Variants in SYNE1 observed in about 807,000 individuals in gnomAD.
SYNE1 encodes spectrin repeat containing nuclear envelope protein 1.
In SYNE1, 616 loss-of-function variants were observed where a neutral mutation model predicts 1,111.0. The ratio of observed to expected loss-of-function variants is 0.55; its 90% CI spans 0.52 to 0.59. SYNE1 has a LOEUF of 0.59. Among genes scored for constraint, SYNE1 ranks in the 20% least tolerant of loss-of-function variants. The pLI is 0.00. For synonymous variants in SYNE1, 3,855 were observed against 3,825.8 expected, an observed-to-expected ratio of 1.01 and a Z score of -0.28; for missense variants, 10,006 against 10,417.0, an observed-to-expected ratio of 0.96 and a Z score of 1.72.
At chr6:152,207,015 A>G (rs2076639351) in intron 125 of SYNE1, among the ~76,000 whole-genome samples, 1 of 152,198 alleles carries the variant, frequency 6.6e-6, no homozygotes, top group South Asian at 2.1e-4. Flanking sequence ...GAGTAAAAGT[A>G]GAATGGAAGA....
chr6:152,342,735 G>T (rs2096557423), intron 74 of SYNE1, among the ~76,000 whole-genome samples: 1 of 152,128 alleles, frequency 6.6e-6, no homozygotes, highest in Non-Finnish European at 1.5e-5. Context: ...TACAAAAGCT[G>T]CTTAGTACAA....
chr6:152,534,202 G>GAATAAATA (rs140881032), intron 4 of SYNE1, among the ~76,000 whole-genome samples: 4 of 145,330 alleles, frequency 2.8e-5, no homozygotes, highest in African/African-American at 1.1e-4. Context: ...ATGAATGAAT[G>GAATAAATA]AATAAATAAA....
chr6:152,424,530 C>G (rs1468193080), intron 39 of SYNE1, among the ~76,000 whole-genome samples: 2 of 152,078 alleles, frequency 1.3e-5, no homozygotes, highest in Non-Finnish European at 1.5e-5. Context: ...TCGTGTTCAC[C>G]CCTCATTATT....
At chr6:152,376,639 C>G (rs935382865) in intron 57 of SYNE1, 81 bp from the exon 58 acceptor site, 7 of 1,578,512 alleles carry the variant, frequency 4.4e-6, no homozygotes, top group Non-Finnish European at 6.1e-6. Flanking sequence ...ATCACCAGTT[C>G]TTAGAATGTG....
intron 55 of SYNE1, 25 bp downstream of exon 55, chr6:152,385,649 A>C (rs554828015): frequency 1.2e-6 from 2 of 1,612,974 alleles, no homozygotes; most frequent in East Asian, 4.5e-5. Flanking sequence ...AGCAATGTAG[A>C]TATAGCATCT....
chr6:152,545,098 T>C (rs996072999), intron 3 of SYNE1, among the ~76,000 whole-genome samples: 2 of 152,190 alleles, frequency 1.3e-5, no homozygotes, highest in Non-Finnish European at 2.9e-5. Flanking sequence ...ATGAAATTAG[T>C]ATATTTTAAT....
At chr6:152,153,749 G>A (rs899555248) in intron 133 of SYNE1, among the ~76,000 whole-genome samples, 6 of 152,158 alleles carry the variant, frequency 3.9e-5, no homozygotes, top group African/African-American at 1.4e-4. Flanking sequence ...GAATAAAAGT[G>A]TTGTTTATTT....
chr6:152,582,043 G>A (rs1048671689), intron 3 of SYNE1, among the ~76,000 whole-genome samples: 2 of 152,018 alleles, frequency 1.3e-5, no homozygotes, highest in Non-Finnish European at 2.9e-5. Flanking sequence ...TCCTAGTCAT[G>A]TCACCAATAA....
At chr6:152,252,140 T>C (rs10046449) in intron 104 of SYNE1, among the ~76,000 whole-genome samples, 9,860 of 152,050 alleles carry the variant, frequency 0.065, 378 homozygotes, top group East Asian at 0.13. Flanking sequence ...GGGCATGGCG[T>C]GCATGCCTGT....
At chr6:152,477,345 G>A (rs1186995923) in intron 14 of SYNE1, among the ~76,000 whole-genome samples, 5 of 152,154 alleles carry the variant, frequency 3.3e-5, no homozygotes, top group Admixed American at 3.3e-4. Context: ...AATTTCAAAA[G>A]AGGTGGCCAG....
intron 81 of SYNE1, among the ~76,000 whole-genome samples, chr6:152,324,171 G>A (rs2095974472): frequency 6.6e-6 from 1 of 152,124 alleles, no homozygotes; most frequent in South Asian, 2.1e-4. Context: ...GGCCGAGACA[G>A]GCAGATCACC....
In SYNE1 at chr6:152,416,649, G is replaced by C; in HGVS notation, c.5788C>G (p.Leu1930Val). The change falls in exon 41 of 146, where the codon CTT becomes GTT. Residue 1930 changes from leucine to valine, a missense_variant. Coordinates refer to ENST00000367255, the MANE Select transcript of SYNE1 (RefSeq NM_182961.4). ...TTCAGATGGTATTGGGCTTTGGAAA[G>C]AATGCCATCCAGACTGACGGCAGCA... ...ESAAVSLDGILSKAQYHLKIG... is the reference protein window; with the variant it reads ...ESAAVSLDGIVSKAQYHLKIG... The C allele has an allele frequency of 6.2e-6, 10 of 1,614,234 alleles. No homozygotes were observed. The highest frequency in any genetic ancestry group is 8.5e-6 in the Non-Finnish European group (10 of 1,180,048).
chr6:152,407,340 T>G (rs2097915941), intron 44 of SYNE1, 144 bp from the exon 45 acceptor site: 2 of 778,930 alleles, frequency 2.6e-6, no homozygotes, highest in Admixed American at 2.1e-5. Flanking sequence ...ATCTAATAAG[T>G]GCACCCAACT....
intron 63 of SYNE1, chr6:152,363,589 C>A (rs2096989024): frequency 5.5e-6 from 1 of 183,484 alleles, no homozygotes; most frequent in Non-Finnish European, 1.2e-5. Context: ...AATTGTACTA[C>A]CAGGTTTTGG....
At chr6:152,441,558 CA>C (rs1338446342) in intron 31 of SYNE1, among the ~76,000 whole-genome samples, 1 of 150,802 alleles carries the variant, frequency 6.6e-6, no homozygotes, top group African/African-American at 2.4e-5. Flanking sequence ...AGATAAGTGA[CA>C]AAAAAATAAA....
At chr6:152,580,478 T>C (rs1422686057) in intron 3 of SYNE1, among the ~76,000 whole-genome samples, 3 of 152,224 alleles carry the variant, frequency 2.0e-5, no homozygotes, top group African/African-American at 7.2e-5. Flanking sequence ...TTTACTCAGT[T>C]GACAGTGTCT....
intron 78 of SYNE1, among the ~76,000 whole-genome samples, chr6:152,328,549 G>A (rs1033398138): frequency 2.0e-4 from 31 of 151,560 alleles, no homozygotes; most frequent in Non-Finnish European, 3.8e-4. Context: ...AGGATTACAG[G>A]TATGCACCAC....
chr6:152,456,869 C>A, intron 22 of SYNE1: 1 of 296,758 alleles, frequency 3.4e-6, no homozygotes. Flanking sequence ...ATGCAAATAT[C>A]AAGAGCATGG....
rs567296883 is a variant in SYNE1 at position 152,269,761 on chromosome 6, T to A, written c.18574-475A>T. Among the ~76,000 whole-genome samples the A allele has an allele frequency of 2.6e-5, 4 of 152,322 alleles. No homozygotes were observed. The South Asian group carries it at 8.3e-4, about 32-fold the overall frequency. On this transcript the variant is annotated intron_variant, in intron 98 of 145. Coordinates refer to ENST00000367255, the MANE Select transcript of SYNE1 (RefSeq NM_182961.4). ...AGACAATGAAAGATTTTTAGAATAA[T>A]CTTCCTAAAAATTTTTCTAAAAGAT...
Sources: allele counts gnomAD v4.1 joint callset (sites outside exome capture counted in the v4.1 genomes callset), GRCh38; gene constraint gnomAD v4.1.1; transcripts MANE v1.5; gene names NCBI Gene and HGNC (gene_info 2026-07-23, HGNC 2026-07-21).